OCA2: variants seen among roughly 807,000 people sequenced by gnomAD.
OCA2 encodes OCA2 melanosomal transmembrane protein, also known as P protein.
Under a neutral mutation model 100.2 loss-of-function variants are expected in OCA2, and 77 were observed. That is an observed-to-expected ratio of 0.77 (90% CI 0.64 to 0.93). The LOEUF is 0.93. OCA2 is among the 40% of genes least tolerant of loss of function. OCA2 has a pLI of 0.00. For synonymous variants in OCA2, 432 were observed against 439.2 expected, an observed-to-expected ratio of 0.98 and a Z score of 0.21; for missense variants, 1,062 against 1,089.1, an observed-to-expected ratio of 0.98 and a Z score of 0.35.
chr15:28,022,568 C>A lies in OCA2; in HGVS notation c.579G>T (p.Leu193Phe). The A allele has an allele frequency of 1.2e-6, 2 of 1,613,168 alleles. No homozygotes were observed. ...LFAFVVLCSI[L>F]FSLYPDQGKL... The stretch of plus-strand genomic sequence containing the variant: ...TTCCTTGATCCGGATATAGGCTGAA[C>A]AAAATCTGTAACAATCAGAAACGTT... Residue 193 changes from leucine to phenylalanine, a missense_variant, in exon 6 of 24, where the codon TTG becomes TTT. Transcript: ENST00000354638.
intron 23 of OCA2, among the ~76,000 whole-genome samples, chr15:27,840,364 G>A (rs952857297): frequency 6.6e-6 from 1 of 151,998 alleles, no homozygotes. Flanking sequence ...AAATGACAAG[G>A]GGGAAATAAC....
chr15:27,732,847 G>A, the OCA2 span, among the ~76,000 whole-genome samples: 2 of 152,170 alleles, frequency 1.3e-5, no homozygotes, highest in Admixed American at 1.3e-4. Context: ...CAAAAATAGG[G>A]TATAAGGAAA....
intron 23 of OCA2, among the ~76,000 whole-genome samples, chr15:27,766,014 A>G (rs1236400528): frequency 6.6e-6 from 1 of 152,180 alleles, no homozygotes; most frequent in African/African-American, 2.4e-5. Context: ...TTTAAGATGG[A>G]GTCAACCCCT....
chr15:27,754,495 T>C (rs1327556461), downstream of OCA2, among the ~76,000 whole-genome samples: 1 of 152,204 alleles, frequency 6.6e-6, no homozygotes, highest in South Asian at 2.1e-4. Context: ...GCCATGATAC[T>C]GATGAGGCAG....
intron 23 of OCA2, among the ~76,000 whole-genome samples, chr15:27,758,620 T>A (rs2030581453): frequency 1.3e-5 from 2 of 151,434 alleles, no homozygotes; most frequent in Non-Finnish European, 2.9e-5. Context: ...TGAAAAAAAA[T>A]GGAAAGTCTC....
intron 15 of OCA2, among the ~76,000 whole-genome samples, chr15:27,961,365 T>C (rs1420458362): frequency 6.6e-6 from 1 of 152,226 alleles, no homozygotes; most frequent in African/African-American, 2.4e-5. Flanking sequence ...TGTAAACTAG[T>C]TCAGCCATTG....
chr15:27,942,704 C>G (rs888368806), intron 18 of OCA2, among the ~76,000 whole-genome samples: 1 of 152,094 alleles, frequency 6.6e-6, no homozygotes, highest in Non-Finnish European at 1.5e-5. Context: ...CTGAGTCATT[C>G]TCTCTCCCCC....
intron 23 of OCA2, among the ~76,000 whole-genome samples, chr15:27,811,542 T>C (rs1954434282): frequency 6.6e-6 from 1 of 152,186 alleles, no homozygotes; most frequent in African/African-American, 2.4e-5. Flanking sequence ...AAAAAACAGC[T>C]ACCAGCTTTT....
chr15:28,024,802 T>G, intron 5 of OCA2, 43 bp downstream of exon 5: 1 of 1,609,636 alleles, frequency 6.2e-7, no homozygotes, highest in Non-Finnish European at 8.5e-7. Flanking sequence ...ACACAGGGCT[T>G]CCACGGACCC....
At chr15:27,923,056 C>T (rs1310127939) in intron 19 of OCA2, among the ~76,000 whole-genome samples, 4 of 152,118 alleles carry the variant, frequency 2.6e-5, no homozygotes, top group African/African-American at 7.2e-5. Context: ...TAAGTGAAAA[C>T]ATGTGGTATT....
chr15:27,832,945 C>T (rs1297408386), intron 23 of OCA2, among the ~76,000 whole-genome samples: 1 of 150,938 alleles, frequency 6.6e-6, no homozygotes, highest in South Asian at 2.1e-4. Flanking sequence ...CCCCCAGTAG[C>T]TGGGAGTACA....
At chr15:27,845,741 G>A (rs8043100) in intron 22 of OCA2, among the ~76,000 whole-genome samples, 4,754 of 152,204 alleles carry the variant, frequency 0.031, 253 homozygotes, top group African/African-American at 0.11. Context: ...ACGAACAGGC[G>A]CGTGATTTGG....
chr15:27,983,227 A>T, intron 14 of OCA2, 118 bp downstream of exon 14: 1 of 1,250,346 alleles, frequency 8.0e-7, no homozygotes, highest in East Asian at 2.3e-5. Flanking sequence ...AGTAGCACTT[A>T]CTGTGAAGAG....
the OCA2 span, among the ~76,000 whole-genome samples, chr15:27,744,417 G>A: frequency 1.3e-5 from 2 of 152,178 alleles, no homozygotes; most frequent in African/African-American, 2.4e-5. Flanking sequence ...ACGAGATGGA[G>A]GGAAAGCCAG....
At chr15:27,727,007 G>T in the OCA2 span, among the ~76,000 whole-genome samples, 1 of 152,358 alleles carries the variant, frequency 6.6e-6, no homozygotes, top group East Asian at 1.9e-4. Context: ...ACAGGCATTT[G>T]CAAGCTGGAA....
intron 21 of OCA2, among the ~76,000 whole-genome samples, chr15:27,858,148 C>T (rs1163316437): frequency 6.6e-6 from 1 of 152,074 alleles, no homozygotes; most frequent in Non-Finnish European, 1.5e-5. Context: ...TTAAACTCTC[C>T]TGTTCACCTG....
At chr15:27,986,827 T>C (rs1363079967) in intron 11 of OCA2, among the ~76,000 whole-genome samples, 184 bp from the exon 12 acceptor site, 2 of 152,124 alleles carry the variant, frequency 1.3e-5, no homozygotes, top group Non-Finnish European at 2.9e-5. Context: ...ACTCCTTGAA[T>C]GGAGCCTCTT....
At chr15:27,871,723 A>C in intron 20 of OCA2, 140 bp downstream of exon 20, 2 of 699,158 alleles carry the variant, frequency 2.9e-6, no homozygotes, top group Non-Finnish European at 2.5e-6. Flanking sequence ...TGGGCTGCAC[A>C]GGATAGAACA....
intron 9 of OCA2, among the ~76,000 whole-genome samples, chr15:28,009,732 TCAA>T (rs2042190006): frequency 8.8e-6 from 1 of 113,862 alleles, no homozygotes; most frequent in Non-Finnish European, 2.1e-5. Flanking sequence ...ACACACAAAG[TCAA>T]CAAATTTAAA....
Sources: gnomAD v4.1 joint callset for allele counts (sites outside exome capture counted in the v4.1 genomes callset) on GRCh38, gnomAD v4.1.1 for gene constraint, MANE v1.5 for transcripts, NCBI Gene and HGNC (gene_info 2026-07-23, HGNC 2026-07-21) for gene names.